CKAP5: variants seen among roughly 807,000 people sequenced by gnomAD.
CKAP5 encodes the protein cytoskeleton-associated protein 5.
CKAP5 carries 27 observed loss-of-function variants against 232.8 expected under a neutral mutation model. The observed-to-expected ratio is 0.12, with a 90% CI of 0.09 to 0.16. The LOEUF (loss-of-function observed/expected upper bound fraction) is 0.16, where lower values mean the gene tolerates loss of function less well. CKAP5 is among the 10% of genes least tolerant of loss of function. The pLI, the probability that CKAP5 is intolerant of heterozygous loss-of-function variation, is 1.00. For synonymous variants in CKAP5, 785 were observed against 841.1 expected (o/e 0.93, Z 1.16); for missense variants, 1,838 against 2,424.7 (o/e 0.76, Z 5.08).
At chr11:46,843,406 C>T (rs1034312441) in intron 1 of CKAP5, among the ~76,000 whole-genome samples, 1 of 151,892 alleles carries the variant, frequency 6.6e-6, no homozygotes, top group Non-Finnish European at 1.5e-5. Flanking sequence ...TACCAAGAGC[C>T]ATTGGTGAAG....
At chr11:46,803,251 G>A (rs988297966) in intron 8 of CKAP5, among the ~76,000 whole-genome samples, 1 of 151,828 alleles carries the variant, frequency 6.6e-6, no homozygotes, top group African/African-American at 2.4e-5. Context: ...GTGACAGAGC[G>A]AGACACTATC....
At chr11:46,820,216 C>T (rs981048039) in intron 2 of CKAP5, among the ~76,000 whole-genome samples, 5 of 152,142 alleles carry the variant, frequency 3.3e-5, no homozygotes, top group African/African-American at 4.8e-5. Context: ...ACATAACCAA[C>T]AATTTCTATG....
chr11:46,751,664 T>C lies in CKAP5; in HGVS notation c.5134-130A>G, dbSNP rs553106159. 6.7e-6 allele frequency: 5 copies of C among 747,962 alleles called. No homozygotes were observed. The Admixed American group carries it at 1.4e-4, about 21-fold the overall frequency. 46.3% of individuals were successfully genotyped at this position (747,962 alleles called of 1,614,324 possible). A position where few individuals can be genotyped will look rare whatever the true frequency, so the allele number is the denominator to read the frequency against. On this transcript the variant is annotated intron_variant, in intron 38 of 43. Transcript: ENST00000529230. ...GGCTATAAATGTGGCACATCATATC[T>C]TTCAAGTTCAGCTGCTAAAACATGA...
At chr11:46,819,333 A>T (rs1158074756) in intron 2 of CKAP5, among the ~76,000 whole-genome samples, 1 of 152,160 alleles carries the variant, frequency 6.6e-6, no homozygotes, top group Non-Finnish European at 1.5e-5. Context: ...CACTCCTATA[A>T]AGAAAGAGAA....
At chr11:46,786,774 G>T (rs569536718) in intron 16 of CKAP5, among the ~76,000 whole-genome samples, 2 of 152,254 alleles carry the variant, frequency 1.3e-5, no homozygotes, top group Admixed American at 1.3e-4. Context: ...CCAGGGTAAA[G>T]CTGTAAAGTG....
chr11:46,759,019 G>A lies in CKAP5; in HGVS notation c.4593C>T (p.Phe1531=), dbSNP rs117725720. Residue 1531 remains phenylalanine, a synonymous_variant, in exon 35 of 44, where the codon TTC becomes TTT. Transcript: ENST00000529230. ...EPKIRAVSPH[F]DDMHSNTAST... ...ATGCTGTATTACTGTGCATGTCATC[G>A]AAGTGTGGAGAAACAGCCCGGATCC... 6,836 of 1,612,880 alleles carry A rather than the reference G, an allele frequency of 4.2e-3. 377 individuals are homozygous for A. The East Asian group carries it at 0.12, about 28-fold the overall frequency.
chr11:46,771,756 G>A (rs923473841), intron 24 of CKAP5, among the ~76,000 whole-genome samples: 1 of 152,098 alleles, frequency 6.6e-6, no homozygotes, highest in African/African-American at 2.4e-5. Flanking sequence ...ATAGATTTTT[G>A]TATGGATATA....
At chr11:46,800,041 A>G (rs1938990293) in intron 9 of CKAP5, among the ~76,000 whole-genome samples, 1 of 152,124 alleles carries the variant, frequency 6.6e-6, no homozygotes, top group Non-Finnish European at 1.5e-5. Flanking sequence ...CTGATATTTA[A>G]GTGGTGTAGG....
intron 35 of CKAP5, among the ~76,000 whole-genome samples, chr11:46,756,624 T>C (rs916780421): frequency 1.3e-5 from 2 of 152,240 alleles, no homozygotes; most frequent in African/African-American, 4.8e-5. Context: ...TTTTCTCTAA[T>C]GACCTCAATT....
At chr11:46,799,045 G>A (rs1170352074) in intron 9 of CKAP5, among the ~76,000 whole-genome samples, 3 of 152,160 alleles carry the variant, frequency 2.0e-5, no homozygotes, top group East Asian at 1.9e-4. Context: ...TGTCACCCAC[G>A]TGGGAGTGCA....
At chr11:46,817,024 T>C (rs1939418199) in intron 3 of CKAP5, among the ~76,000 whole-genome samples, 1 of 151,718 alleles carries the variant, frequency 6.6e-6, no homozygotes, top group African/African-American at 2.4e-5. Flanking sequence ...GAGAATCACT[T>C]GAACCTGGGA....
In CKAP5 at chr11:46,750,567, C is replaced by G. The variant is rs769079198; in HGVS notation, c.5505G>C (p.Glu1835Asp). 19 of 1,613,848 alleles carry G rather than the reference C, an allele frequency of 1.2e-5. No individual in the cohort carries two copies. The highest frequency in any genetic ancestry group is 1.7e-6 in the Non-Finnish European group (2 of 1,179,982). Residue 1835 changes from glutamate (E) to aspartate (D), a missense_variant, in exon 41 of 44, where the codon GAG becomes GAC. Glu to Asp is a conservative substitution (Grantham distance 45, BLOSUM62 2). Transcript: ENST00000529230. ...SKAKVNDFLAEIFKKIGSKEN... is the reference protein window; with the variant it reads ...SKAKVNDFLADIFKKIGSKEN... ...CTTTAGAGCCAATCTTCTTAAAAAT[C>G]TCAGCTAAGAAATCATTCACTTTGG...
chr11:46,759,029 G>C lies in CKAP5; in HGVS notation c.4583C>G (p.Ser1528Cys), dbSNP rs1565720097. Residue 1528 changes from serine to cysteine, a missense_variant, in exon 35 of 44, where the codon TCT becomes TGT. Around this residue, in one of 6 missense-constraint regions of CKAP5, gnomAD observed 579 missense variants for 843.2 expected, o/e 0.69. Coordinates refer to ENST00000529230, the MANE Select transcript of CKAP5 (RefSeq NM_001008938.4). The part of the protein sequence containing the change: ...LIPEPKIRAV[S>C]PHFDDMHSNT... ...ACTGTGCATGTCATCGAAGTGTGGAGAAACAGCCCGGATCCTAGATAGCAG... is the reference window on the plus strand; with the variant it reads ...ACTGTGCATGTCATCGAAGTGTGGACAAACAGCCCGGATCCTAGATAGCAG... The C allele has an allele frequency of 6.2e-7, 1 of 1,613,126 alleles. No homozygotes were observed. Among genetic ancestry groups the C allele is most frequent in the Non-Finnish European group, 8.5e-7 (1 of 1,179,892 alleles).
At chr11:46,803,607 C>T (rs1939086508) in intron 8 of CKAP5, among the ~76,000 whole-genome samples, 1 of 152,112 alleles carries the variant, frequency 6.6e-6, no homozygotes, top group Admixed American at 6.5e-5. Flanking sequence ...TGCTTACAGT[C>T]AGGTAGTTAG....
chr11:46,778,365 T>A (rs1421035652), intron 21 of CKAP5, 52 bp from the exon 22 acceptor site: 3 of 1,600,556 alleles, frequency 1.9e-6, no homozygotes, highest in Non-Finnish European at 2.6e-6. Context: ...AATGATGATA[T>A]CACGTTAAGT....
intron 18 of CKAP5, among the ~76,000 whole-genome samples, chr11:46,782,060 G>T (rs1010931849): frequency 6.6e-6 from 1 of 151,992 alleles, no homozygotes; most frequent in African/African-American, 2.4e-5. Flanking sequence ...CCTGACCTCA[G>T]GTAATCTGCA....
chr11:46,794,335 G>A (rs1938816474), intron 13 of CKAP5, among the ~76,000 whole-genome samples: 3 of 152,112 alleles, frequency 2.0e-5, no homozygotes, highest in Admixed American at 1.3e-4. Context: ...GTGGTGGCAC[G>A]TGCTTCTGGT....
intron 15 of CKAP5, 23 bp from the exon 16 acceptor site, chr11:46,788,796 A>C: frequency 3.9e-6 from 6 of 1,530,944 alleles, no homozygotes; most frequent in Non-Finnish European, 5.4e-6. Context: ...TAAGAGAATA[A>C]GAGTTTAAGG....
chr11:46,818,520 A>C lies in CKAP5; in HGVS notation c.58-17T>G. On this transcript the variant is annotated splice_polypyrimidine_tract_variant and intron_variant, in intron 2 of 43. Coordinates refer to ENST00000529230, the MANE Select transcript of CKAP5 (RefSeq NM_001008938.4). ...TTTCCACAGCTAAAAGAAAAGTAGT[A>C]TTTTGAAACAAAACATAATTTAATG... The C allele has an allele frequency of 2.7e-6, 4 of 1,504,252 alleles. No homozygotes were observed. The highest frequency in any genetic ancestry group is 3.6e-6 in the Non-Finnish European group (4 of 1,126,426). The allele number at this position is 1,504,252 out of a possible 1,614,324, so 93.2% of individuals were successfully genotyped here. A position where few individuals can be genotyped will look rare whatever the true frequency, so the allele number is the denominator to read the frequency against.
Sources: allele counts gnomAD v4.1 joint callset (sites outside exome capture counted in the v4.1 genomes callset), GRCh38; gene constraint gnomAD v4.1.1; regional missense constraint gnomAD v4.1.1; transcripts MANE v1.5; gene names NCBI Gene and HGNC (gene_info 2026-07-23, HGNC 2026-07-21).